The following OCA2 variants were observed in gnomAD, a reference collection of about 807,000 sequenced individuals.
OCA2 encodes the protein OCA2 melanosomal transmembrane protein, also known as P protein.
In OCA2, 77 loss-of-function variants were observed where a neutral mutation model predicts 100.2. That is an observed-to-expected ratio of 0.77 (90% confidence interval 0.64 to 0.93). The LOEUF (loss-of-function observed/expected upper bound fraction) is 0.93. Among genes scored for constraint, OCA2 ranks in the 40% least tolerant of loss-of-function variants. The probability of loss-of-function intolerance (pLI) is 0.00; values close to 1 mark genes in which losing one functional copy is unlikely to be tolerated. For missense variants in OCA2, 1,062 were observed against 1,089.1 expected (o/e 0.98, Z 0.35); for synonymous variants, 432 against 439.2 (o/e 0.98, Z 0.21).
intron 2 of OCA2, among the ~76,000 whole-genome samples, chr15:28,077,016 G>A (rs2044452425): frequency 6.6e-6 from 1 of 151,660 alleles, no homozygotes; most frequent in African/African-American, 2.4e-5. Flanking sequence ...GAAAGAGAGA[G>A]TGGAGAGAGT....
chr15:28,045,961 G>A (rs1260166643), intron 2 of OCA2, among the ~76,000 whole-genome samples: 1 of 152,156 alleles, frequency 6.6e-6, no homozygotes, highest in African/African-American at 2.4e-5. Context: ...CAGACCACCA[G>A]CTCTTCACCA....
At chr15:27,969,030 A>C (rs1013261710) in intron 14 of OCA2, among the ~76,000 whole-genome samples, 2 of 152,062 alleles carry the variant, frequency 1.3e-5, no homozygotes, top group African/African-American at 4.8e-5. Context: ...AAAATGATTT[A>C]AACTATAGTA....
At position 27,867,049 on chromosome 15, in the gene OCA2, C is replaced by A. The variant is rs958962092; in HGVS notation, c.2244+4105G>T. 3.3e-5 allele frequency among the ~76,000 whole-genome samples: 5 copies of A among 152,368 alleles called. 1 individual carries two copies. The highest frequency in any genetic ancestry group is 6.8e-3 in the Middle Eastern group (2 of 294). ...GCTGGGGGCTTGTGGGCAGCCGCCCCCCATTCCCAGTGTGCAGTTGAGAAA... is the reference window on the plus strand; with the variant it reads ...GCTGGGGGCTTGTGGGCAGCCGCCCACCATTCCCAGTGTGCAGTTGAGAAA... On this transcript the variant is annotated intron_variant, in intron 21 of 23. Transcript: ENST00000354638.
rs777131634 is a variant in OCA2 at position 27,957,716 on chromosome 15, G to A, written c.1656C>T (p.His552=). 5.5e-5 allele frequency: 89 copies of A among 1,613,034 alleles called. No individual in the cohort carries two copies. The highest frequency in any genetic ancestry group is 6.6e-5 in the Non-Finnish European group (78 of 1,180,014). ...TGCGCTGAGCAGTCAGGCGCCAGAC[G>A]TGAATCTCGTGCTTCAGTTCTGCAG... ...SEIVELKHEI[H]VWRLTAQRIS... The change falls in exon 16 of 24, where the codon CAC becomes CAT. Residue 552 remains histidine (H), a synonymous_variant. Transcript: ENST00000354638. This position sits in a 1 kb window ranked among gnomAD's most constrained non-coding sequence, Gnocchi z 4.3.
intron 14 of OCA2, among the ~76,000 whole-genome samples, chr15:27,980,321 G>T (rs1319867542): frequency 2.7e-5 from 4 of 149,072 alleles, no homozygotes; most frequent in African/African-American, 4.9e-5. Context: ...TAGAGACGGG[G>T]TTTCACCTTG....
intron 23 of OCA2, among the ~76,000 whole-genome samples, chr15:27,804,787 T>C (rs2033757779): frequency 6.6e-6 from 1 of 152,206 alleles, no homozygotes. Context: ...ACCCAGCGCC[T>C]TGGGAACCAC....
chr15:28,070,275 T>C (rs2044195707), intron 2 of OCA2, among the ~76,000 whole-genome samples: 1 of 133,912 alleles, frequency 7.5e-6, no homozygotes, highest in African/African-American at 3.2e-5. Flanking sequence ...GTGAGGAGCG[T>C]CTCCGCCCGG....
At chr15:27,893,059 A>T (rs1029131327) in intron 19 of OCA2, among the ~76,000 whole-genome samples, 1 of 152,230 alleles carries the variant, frequency 6.6e-6, no homozygotes, top group African/African-American at 2.4e-5. Flanking sequence ...TTGAATTATT[A>T]ATTTGAAAGT....
intron 23 of OCA2, among the ~76,000 whole-genome samples, chr15:27,800,942 A>G (rs1223002988): frequency 6.6e-6 from 1 of 152,126 alleles, no homozygotes; most frequent in African/African-American, 2.4e-5. Flanking sequence ...ACTCCAGCCT[A>G]GGCAACAGAG....
At chr15:27,972,257 C>T (rs2040816302) in intron 14 of OCA2, among the ~76,000 whole-genome samples, 1 of 152,144 alleles carries the variant, frequency 6.6e-6, no homozygotes, top group Non-Finnish European at 1.5e-5. Context: ...TGTTGATAGG[C>T]ATTTAGGTTG....
At chr15:27,956,241 C>T (rs1242369309) in intron 16 of OCA2, among the ~76,000 whole-genome samples, 2 of 151,964 alleles carry the variant, frequency 1.3e-5, no homozygotes, top group African/African-American at 4.8e-5. Context: ...CCCAGCTACT[C>T]GGGAGGCTGA....
In OCA2 at chr15:27,810,509, G is replaced by A. The variant is rs187452123; in HGVS notation, c.2432+34450C>T. On this transcript the variant is annotated intron_variant, in intron 23 of 23. Transcript: ENST00000354638. ...GACAAAAATGAAAGTAAATAAATGG[G>A]ACCTAATTAAGTTAAAAAACTTCTG... is the stretch of plus-strand genomic sequence containing the variant. Among the ~76,000 whole-genome samples the A allele has an allele frequency of 1.3e-3, 199 of 152,234 alleles. 1 individual carries two copies. The highest frequency in any genetic ancestry group is 0.01 in the Middle Eastern group (3 of 294).
intron 2 of OCA2, among the ~76,000 whole-genome samples, chr15:28,077,920 A>G (rs1373536553): frequency 6.6e-6 from 1 of 152,176 alleles, no homozygotes; most frequent in Non-Finnish European, 1.5e-5. Context: ...TCTCTACTAA[A>G]TATACAACAA....
intron 2 of OCA2, among the ~76,000 whole-genome samples, chr15:28,081,224 A>G (rs2044611257): frequency 6.6e-6 from 1 of 152,218 alleles, no homozygotes; most frequent in African/African-American, 2.4e-5. Context: ...TAACCCCTGA[A>G]TCTAAAATAA....
intron 23 of OCA2, among the ~76,000 whole-genome samples, chr15:27,796,758 A>G (rs4238492): frequency 0.57 from 86,735 of 152,056 alleles, 27,828 homozygotes; most frequent in African/African-American, 0.87. Flanking sequence ...CACCATCAGC[A>G]GCAACTTGCA....
chr15:28,087,483 C>T lies in OCA2; in HGVS notation c.-21-5588G>A, dbSNP rs537115656. Among the ~76,000 whole-genome samples, 14 of 152,264 alleles carry T rather than the reference C, an allele frequency of 9.2e-5. 1 individual carries two copies. The South Asian group carries it at 1.9e-3, about 20-fold the overall frequency. On this transcript the variant is annotated intron_variant, in intron 1 of 23. Coordinates refer to ENST00000354638, the MANE Select transcript of OCA2 (RefSeq NM_000275.3). Reference sequence around the variant, plus strand: ...AGGTAAGGAGAGGCATGGTGGTTCACGCCTATAATCCTGGCACTCTGGGAA... The same window carrying T: ...AGGTAAGGAGAGGCATGGTGGTTCATGCCTATAATCCTGGCACTCTGGGAA...
At chr15:28,083,565 T>C (rs2044717751) in intron 1 of OCA2, among the ~76,000 whole-genome samples, 2 of 152,230 alleles carry the variant, frequency 1.3e-5, no homozygotes, top group South Asian at 4.1e-4. Context: ...TATAAAAAAG[T>C]TGTCTGATTT....
chr15:27,888,473 A>C (rs551595588), intron 19 of OCA2, among the ~76,000 whole-genome samples: 3 of 152,318 alleles, frequency 2.0e-5, no homozygotes, highest in Admixed American at 6.5e-5. Flanking sequence ...CAACACTGAG[A>C]TATATCGGAT....
At chr15:27,806,029 G>T (rs1234548039) in intron 23 of OCA2, among the ~76,000 whole-genome samples, 2 of 152,236 alleles carry the variant, frequency 1.3e-5, no homozygotes, top group Non-Finnish European at 2.9e-5. Flanking sequence ...TAGTTACAGT[G>T]CAGGTTTGTG....
Sources: gnomAD v4.1 joint callset for allele counts (sites outside exome capture counted in the v4.1 genomes callset) on GRCh38, gnomAD v4.1.1 for gene constraint, Gnocchi (gnomAD v3.1) non-coding constraint, MANE v1.5 for transcripts, NCBI Gene and HGNC (gene_info 2026-07-23, HGNC 2026-07-21) for gene names.